Variants in ZNF280D observed in about 807,000 individuals in gnomAD.
The protein encoded by ZNF280D is zinc finger protein 280D.
ZNF280D carries 39 observed loss-of-function variants against 94.7 expected under a neutral mutation model. The observed-to-expected ratio is 0.41, with a 90% CI of 0.32 to 0.54. The LOEUF is 0.54. Ranked by LOEUF, ZNF280D falls within the 20% of genes least tolerant of loss-of-function variation. ZNF280D has a pLI of 0.22. For missense variants in ZNF280D, 1,090 were observed against 1,149.3 expected, an observed-to-expected ratio of 0.95 and a Z score of 0.75; for synonymous variants, 398 against 377.6, an observed-to-expected ratio of 1.05 and a Z score of -0.63.
chr15:56,643,391 G>A (rs1359866800), intron 19 of ZNF280D, among the ~76,000 whole-genome samples: 1 of 151,398 alleles, frequency 6.6e-6, no homozygotes, highest in Non-Finnish European at 1.5e-5. Context: ...CAGTATTTAC[G>A]ATTACAGGAC....
intron 1 of ZNF280D, among the ~76,000 whole-genome samples, chr15:56,726,459 A>T (rs534489875): frequency 6.6e-6 from 1 of 152,332 alleles, no homozygotes; most frequent in Non-Finnish European, 1.5e-5. Flanking sequence ...AAAATAGATT[A>T]AAACTCATTA....
Position 56,640,722 on chromosome 15 carries a change from T to C in ZNF280D, c.2259+2230A>G, listed in dbSNP as rs547029798. ...ACTTCAGTTTACAGTAAGCTTCATT[T>C]GCAGGATTCCACTGTGGCTGGAATT... On this transcript the variant is annotated intron_variant, in intron 20 of 21. Transcript: ENST00000267807. Among the ~76,000 whole-genome samples the C allele has an allele frequency of 7.9e-5, 12 of 152,294 alleles. No individual in the cohort carries two copies. The East Asian group carries it at 2.3e-3, about 29-fold the overall frequency.
intron 1 of ZNF280D, among the ~76,000 whole-genome samples, chr15:56,709,313 C>T (rs1177675380): frequency 6.6e-6 from 1 of 151,378 alleles, no homozygotes; most frequent in African/African-American, 2.4e-5. Context: ...AATGAGATAC[C>T]ATCTCACACC....
chr15:56,714,593 G>C (rs1259567401), intron 1 of ZNF280D, among the ~76,000 whole-genome samples: 2 of 152,108 alleles, frequency 1.3e-5, no homozygotes, highest in Admixed American at 1.3e-4. Flanking sequence ...GAAAATCCAG[G>C]TCCTGGAAGA....
intron 13 of ZNF280D, among the ~76,000 whole-genome samples, chr15:56,672,903 G>T (rs1417160391): frequency 2.0e-5 from 3 of 151,646 alleles, no homozygotes; most frequent in Non-Finnish European, 4.4e-5. Flanking sequence ...ATGCTGTGGT[G>T]CAGTCTTGGC....
intron 9 of ZNF280D, among the ~76,000 whole-genome samples, chr15:56,684,416 TA>T (rs1285022071): frequency 6.6e-6 from 1 of 151,916 alleles, no homozygotes; most frequent in African/African-American, 2.4e-5. Context: ...CCACAAATTT[TA>T]AAAACATAAT....
chr15:56,724,812 A>G (rs1373508231), intron 1 of ZNF280D: 1 of 438,630 alleles, frequency 2.3e-6, no homozygotes, highest in Non-Finnish European at 4.5e-6. Flanking sequence ...ACTACAATGT[A>G]GTGTCACTGA....
chr15:56,657,045 A>G (rs2053594053), intron 17 of ZNF280D, among the ~76,000 whole-genome samples: 1 of 152,212 alleles, frequency 6.6e-6, no homozygotes, highest in African/African-American at 2.4e-5. Flanking sequence ...TACATTTTCC[A>G]CTAATCAAAA....
intron 9 of ZNF280D, among the ~76,000 whole-genome samples, chr15:56,683,921 A>C (rs1438894854): frequency 6.6e-6 from 1 of 152,208 alleles, no homozygotes; most frequent in Non-Finnish European, 1.5e-5. Flanking sequence ...AAACCAGAGA[A>C]GTAAAGGGGA....
chr15:56,664,535 T>C (rs2140832314), intron 16 of ZNF280D, among the ~76,000 whole-genome samples: 1 of 152,082 alleles, frequency 6.6e-6, no homozygotes, highest in Non-Finnish European at 1.5e-5. Context: ...ACAGGAAAAA[T>C]ACGTGGGGTT....
intron 13 of ZNF280D, among the ~76,000 whole-genome samples, chr15:56,670,806 T>TAA: frequency 6.6e-6 from 1 of 152,176 alleles, no homozygotes; most frequent in Non-Finnish European, 1.5e-5. Flanking sequence ...ACCAACAGTA[T>TAA]AAAAGCACTC....
At chr15:56,729,887 G>A (rs2058803274) in intron 1 of ZNF280D, 1 of 152,208 alleles carries the variant, frequency 6.6e-6, no homozygotes, top group Non-Finnish European at 1.5e-5. Context: ...GTTCAAATGT[G>A]ATGTATATTT....
chr15:56,647,749 T>G (rs1242240712), intron 19 of ZNF280D, among the ~76,000 whole-genome samples: 1 of 152,142 alleles, frequency 6.6e-6, no homozygotes, highest in Non-Finnish European at 1.5e-5. Context: ...CAGGCTGGTC[T>G]CGAACTCTTG....
intron 19 of ZNF280D, among the ~76,000 whole-genome samples, chr15:56,643,972 G>A (rs2052756459): frequency 6.6e-6 from 1 of 151,934 alleles, no homozygotes; most frequent in African/African-American, 2.4e-5. Flanking sequence ...ATGAAACAGA[G>A]TTGGCAAAAC....
intron 9 of ZNF280D, among the ~76,000 whole-genome samples, chr15:56,687,306 A>G (rs1227622040): frequency 6.6e-6 from 1 of 152,126 alleles, no homozygotes; most frequent in Non-Finnish European, 1.5e-5. Context: ...AAATTCTATG[A>G]AGTTCTGGTT....
chr15:56,712,019 C>G (rs775516379), intron 1 of ZNF280D, among the ~76,000 whole-genome samples: 1 of 152,102 alleles, frequency 6.6e-6, no homozygotes, highest in Non-Finnish European at 1.5e-5. Flanking sequence ...ACAGGACCAC[C>G]GTATTATATA....
At position 56,666,703 on chromosome 15, in the gene ZNF280D, A is replaced by C; in HGVS notation, c.1829T>G (p.Val610Gly). ...CCTTAAATTCCTCAATGCTGTATTG[A>C]CTTTACTTTTTTTATTGCTACTAGC... is the stretch of plus-strand genomic sequence containing the variant. ...TLASSNKKSKVNTALRNLRYR... is the reference protein window; with the variant it reads ...TLASSNKKSKGNTALRNLRYR... The change falls in exon 15 of 22, where the codon GTC (valine) becomes GGC (glycine). Residue 610 changes from valine to glycine, a missense_variant. Val to Gly is a moderately radical substitution (Grantham distance 109). This residue lies in a region of ZNF280D where 577 missense variants were observed against 568.8 expected (regional missense o/e 1.01). Transcript: ENST00000267807. 6.2e-7 allele frequency: 1 copy of C among 1,609,706 alleles called. No homozygotes were observed. The highest frequency in any genetic ancestry group is 8.5e-7 in the Non-Finnish European group (1 of 1,178,820).
chr15:56,652,452 C>T (rs1193729244), intron 19 of ZNF280D: 3 of 248,276 alleles, frequency 1.2e-5, no homozygotes, highest in Non-Finnish European at 1.9e-5. Flanking sequence ...ATAAAATCTA[C>T]ACCCTTTATT....
intron 10 of ZNF280D, among the ~76,000 whole-genome samples, chr15:56,679,776 A>T (rs1208006472): frequency 6.6e-6 from 1 of 152,200 alleles, no homozygotes; most frequent in Admixed American, 6.5e-5. Flanking sequence ...ATCATCATGA[A>T]GATTATAATA....
Sources: gnomAD v4.1 joint callset for allele counts (sites outside exome capture counted in the v4.1 genomes callset) on GRCh38, gnomAD v4.1.1 for gene constraint, gnomAD v4.1.1 regional missense constraint, MANE v1.5 for transcripts, NCBI Gene and HGNC (gene_info 2026-07-23, HGNC 2026-07-21) for gene names.